Variants in CDH13 observed in about 807,000 individuals in gnomAD.
CDH13 encodes cadherin 13, also known as cadherin-13.
CDH13 carries 24 observed loss-of-function variants against 63.8 expected under a neutral mutation model. That is an observed-to-expected ratio of 0.38 (90% CI 0.27 to 0.53). The LOEUF is 0.53. CDH13 is among the 20% of genes least tolerant of loss of function. The pLI is 0.85. For missense variants in CDH13, 1,049 were observed against 903.1 expected (o/e 1.16, Z -2.07); for synonymous variants, 503 against 355.3 (o/e 1.42, Z -4.67).
intron 6 of CDH13, among the ~76,000 whole-genome samples, chr16:83,402,200 T>A (rs758784053): frequency 1.1e-4 from 16 of 152,144 alleles, no homozygotes; most frequent in Non-Finnish European, 1.6e-4. Context: ...CTATTACTCC[T>A]CCTCTTGCTG....
At chr16:83,746,354 C>A (rs1912583447) in intron 10 of CDH13, among the ~76,000 whole-genome samples, 1 of 152,126 alleles carries the variant, frequency 6.6e-6, no homozygotes, top group Non-Finnish European at 1.5e-5. Context: ...TTTTCTGTGT[C>A]TCAAATCTCC....
At chr16:83,486,041 G>A (rs2073879377) in intron 6 of CDH13, among the ~76,000 whole-genome samples, 1 of 152,114 alleles carries the variant, frequency 6.6e-6, no homozygotes, top group Non-Finnish European at 1.5e-5. Flanking sequence ...TACTTAGGAG[G>A]CTGAGGCAGG....
At chr16:83,290,881 G>A (rs1390405628) in intron 5 of CDH13, among the ~76,000 whole-genome samples, 1 of 151,992 alleles carries the variant, frequency 6.6e-6, no homozygotes, top group Non-Finnish European at 1.5e-5. Flanking sequence ...TGCCTAGAAT[G>A]TTTTTTTCCC....
At chr16:83,237,560 ACT>A (rs999793245) in intron 5 of CDH13, among the ~76,000 whole-genome samples, 5 of 152,332 alleles carry the variant, frequency 3.3e-5, no homozygotes, top group African/African-American at 1.2e-4. Flanking sequence ...GTTCTTAATT[ACT>A]GTTTTTTAAA....
At chr16:82,954,174 G>C (rs564360244) in intron 2 of CDH13, 4 of 152,324 alleles carry the variant, frequency 2.6e-5, no homozygotes, top group Non-Finnish European at 5.9e-5. Flanking sequence ...CACGTCTGGG[G>C]ACAGTGTAGA....
intron 4 of CDH13, among the ~76,000 whole-genome samples, chr16:83,140,067 A>G (rs7184922): frequency 0.29 from 44,785 of 151,944 alleles, 7,230 homozygotes; most frequent in African/African-American, 0.42. Context: ...CGAGGGTTTT[A>G]CCTCTCTATT....
chr16:83,438,619 T>C (rs957896444), intron 6 of CDH13, among the ~76,000 whole-genome samples: 2 of 152,234 alleles, frequency 1.3e-5, no homozygotes, highest in Non-Finnish European at 2.9e-5. Flanking sequence ...TAAAAAGCAA[T>C]AATACAAAAT....
chr16:83,439,873 G>C (rs9806888), intron 6 of CDH13, among the ~76,000 whole-genome samples: 144,800 of 152,268 alleles, frequency 0.95, 69,142 homozygotes, highest in East Asian at 1. Context: ...GTCAATCCTT[G>C]GTGTCCTTTC....
At chr16:82,933,603 C>G (rs1462336463) in intron 2 of CDH13, among the ~76,000 whole-genome samples, 3 of 152,122 alleles carry the variant, frequency 2.0e-5, no homozygotes, top group Non-Finnish European at 2.9e-5. Flanking sequence ...TGGCATTAAC[C>G]CAAAAGTCCA....
intron 2 of CDH13, among the ~76,000 whole-genome samples, chr16:82,978,628 G>T (rs566182219): frequency 1.3e-3 from 201 of 152,392 alleles, no homozygotes; most frequent in African/African-American, 4.5e-3. Context: ...TGTTGAGCCT[G>T]CAGGTACACA....
At position 83,360,212 on chromosome 16, in the gene CDH13, T is replaced by A. The variant is rs182717193; in HGVS notation, c.781+15206T>A. On this transcript the variant is annotated intron_variant, in intron 6 of 13. Transcript: ENST00000567109. ...AGCTTGTGCAGATGAATATGCACCA[T>A]TCTTCGTCAAGATTAGTCTTGAGTT... Among the ~76,000 whole-genome samples the A allele has an allele frequency of 4.7e-3, 716 of 152,364 alleles. 9 individuals carry two copies. Among genetic ancestry groups the A allele is most frequent in the African/African-American group, 0.017 (694 of 41,584 alleles).
At chr16:83,727,489 T>G (rs1910547148) in intron 10 of CDH13, among the ~76,000 whole-genome samples, 1 of 151,648 alleles carries the variant, frequency 6.6e-6, no homozygotes, top group Non-Finnish European at 1.5e-5. Flanking sequence ...GCTTGCTTTA[T>G]TTAGTGCACA....
intron 13 of CDH13, among the ~76,000 whole-genome samples, chr16:83,791,959 T>C (rs1213309842): frequency 6.6e-6 from 1 of 152,226 alleles, no homozygotes; most frequent in Non-Finnish European, 1.5e-5. Context: ...TGTACAGAAT[T>C]TTATACCACG....
chr16:82,640,053 G>A (rs183766220), intron 1 of CDH13, among the ~76,000 whole-genome samples: 2 of 152,356 alleles, frequency 1.3e-5, no homozygotes, highest in East Asian at 1.9e-4. Flanking sequence ...GCCTGCCCCC[G>A]TGGAGTTTGT....
intron 12 of CDH13, among the ~76,000 whole-genome samples, chr16:83,781,598 T>A (rs2151009808): frequency 6.6e-6 from 1 of 152,360 alleles, no homozygotes; most frequent in East Asian, 1.9e-4. Context: ...TTGTCTATTT[T>A]ATTGCTTTTT....
At chr16:83,476,598 G>A (rs1307294955) in intron 6 of CDH13, among the ~76,000 whole-genome samples, 1 of 152,156 alleles carries the variant, frequency 6.6e-6, no homozygotes, top group African/African-American at 2.4e-5. Context: ...ACTTGAACCT[G>A]GGGGACAGAG....
chr16:83,651,477 A>C (rs1053661479), intron 8 of CDH13, among the ~76,000 whole-genome samples: 1 of 152,008 alleles, frequency 6.6e-6, no homozygotes, highest in African/African-American at 2.4e-5. Flanking sequence ...AGATGAGAAA[A>C]TGGAGACACG....
intron 7 of CDH13, among the ~76,000 whole-genome samples, chr16:83,599,408 C>A (rs1435202333): frequency 6.6e-6 from 1 of 152,164 alleles, no homozygotes; most frequent in East Asian, 1.9e-4. Context: ...TAGTAACATC[C>A]TCTTGGATAA....
chr16:82,706,292 T>G (rs1294789558), intron 1 of CDH13, among the ~76,000 whole-genome samples: 2 of 151,920 alleles, frequency 1.3e-5, no homozygotes, highest in African/African-American at 4.8e-5. Context: ...GTAACACAGG[T>G]GATAAATAAA....
Sources: allele counts gnomAD v4.1 joint callset (sites outside exome capture counted in the v4.1 genomes callset), GRCh38; gene constraint gnomAD v4.1.1; transcripts MANE v1.5; gene names NCBI Gene and HGNC (gene_info 2026-07-23, HGNC 2026-07-21).